ZRANB3: variants seen among roughly 807,000 people sequenced by gnomAD.
ZRANB3 encodes DNA annealing helicase and endonuclease ZRANB3.
Under a neutral mutation model 133.8 loss-of-function variants are expected in ZRANB3, and 125 were observed. The observed-to-expected ratio is 0.93, with a 90% CI of 0.81 to 1.08. The LOEUF (loss-of-function observed/expected upper bound fraction) is 1.08, where lower values mean the gene tolerates loss of function less well. ZRANB3 is among the 50% of genes least tolerant of loss of function. ZRANB3 has a pLI of 0.00. For synonymous variants in ZRANB3, 387 were observed against 432.7 expected (o/e 0.89, Z 1.31); for missense variants, 1,229 against 1,275.5 (o/e 0.96, Z 0.56).
intron 3 of ZRANB3, among the ~76,000 whole-genome samples, chr2:135,389,381 A>G (rs963389450): frequency 6.6e-6 from 1 of 152,156 alleles, no homozygotes; most frequent in Non-Finnish European, 1.5e-5. Context: ...CCTTAAATAA[A>G]TCCTTAAATT....
chr2:135,307,501 G>A (rs1289414124), intron 8 of ZRANB3, among the ~76,000 whole-genome samples: 3 of 151,902 alleles, frequency 2.0e-5, no homozygotes, highest in Non-Finnish European at 2.9e-5. Flanking sequence ...CTTGCATGTT[G>A]TTTATCTTTT....
chr2:135,507,514 T>C (rs1693243184), intron 1 of ZRANB3, among the ~76,000 whole-genome samples: 1 of 152,200 alleles, frequency 6.6e-6, no homozygotes, highest in Non-Finnish European at 1.5e-5. Flanking sequence ...CCATGTCCAC[T>C]TTCCAGAAGT....
At chr2:135,438,021 T>C (rs1456120485) in intron 2 of ZRANB3, among the ~76,000 whole-genome samples, 1 of 152,174 alleles carries the variant, frequency 6.6e-6, no homozygotes, top group Non-Finnish European at 1.5e-5. Flanking sequence ...TCTCCTCCTC[T>C]GGGACATGTG....
At chr2:135,219,955 TC>T (rs2105054192) in intron 15 of ZRANB3, among the ~76,000 whole-genome samples, 1 of 152,144 alleles carries the variant, frequency 6.6e-6, no homozygotes, top group East Asian at 1.9e-4. Context: ...CACTGCAGCC[TC>T]AACGTCCTGG....
chr2:135,355,358 ATCT>A, intron 3 of ZRANB3: 3 of 579,254 alleles, frequency 5.2e-6, no homozygotes, highest in Non-Finnish European at 6.5e-6. Flanking sequence ...ACAATCACAG[ATCT>A]TTTTTTTTTT....
At chr2:135,388,871 G>A (rs1574020804) in intron 3 of ZRANB3, among the ~76,000 whole-genome samples, 1 of 152,084 alleles carries the variant, frequency 6.6e-6, no homozygotes, top group South Asian at 2.1e-4. Context: ...GAGGTCAGGA[G>A]ATTGAGACCA....
At chr2:135,304,424 T>C (rs1017690565) in intron 8 of ZRANB3, among the ~76,000 whole-genome samples, 8 of 152,194 alleles carry the variant, frequency 5.3e-5, no homozygotes, top group African/African-American at 1.9e-4. Context: ...GTATTGCTGG[T>C]ATACTTTTTT....
At chr2:135,412,489 A>T (rs909266849) in intron 2 of ZRANB3, among the ~76,000 whole-genome samples, 1 of 152,124 alleles carries the variant, frequency 6.6e-6, no homozygotes, top group Non-Finnish European at 1.5e-5. Flanking sequence ...TTTTTATATA[A>T]AATATATTTT....
intron 12 of ZRANB3, among the ~76,000 whole-genome samples, chr2:135,241,321 C>T (rs989034960): frequency 6.7e-6 from 1 of 150,050 alleles, no homozygotes; most frequent in African/African-American, 2.4e-5. Context: ...TTTAGTTTGG[C>T]AGTCATATTT....
At chr2:135,484,826 G>C (rs1692016703) in intron 2 of ZRANB3, among the ~76,000 whole-genome samples, 1 of 151,708 alleles carries the variant, frequency 6.6e-6, no homozygotes, top group Non-Finnish European at 1.5e-5. Context: ...TTGAGGTCAG[G>C]AGTTGGAGAT....
chr2:135,405,146 C>CA (rs372062362), intron 2 of ZRANB3, among the ~76,000 whole-genome samples: 6,552 of 151,638 alleles, frequency 0.043, 477 homozygotes, highest in African/African-American at 0.15. Context: ...AAATGGAAAA[C>CA]AAAAAAAGGC....
intron 6 of ZRANB3, among the ~76,000 whole-genome samples, chr2:135,340,896 T>C (rs1294441520): frequency 6.7e-6 from 1 of 150,118 alleles, no homozygotes; most frequent in East Asian, 1.9e-4. Flanking sequence ...AGTCTTTTCA[T>C]CAAACAGGAG....
At chr2:135,472,939 T>C (rs998947138) in intron 2 of ZRANB3, among the ~76,000 whole-genome samples, 6 of 152,224 alleles carry the variant, frequency 3.9e-5, no homozygotes, top group Non-Finnish European at 8.8e-5. Flanking sequence ...ATATAATATG[T>C]GCTTTTGAAA....
chr2:135,469,819 T>C (rs531272330), intron 2 of ZRANB3, among the ~76,000 whole-genome samples: 2 of 150,640 alleles, frequency 1.3e-5, no homozygotes, highest in African/African-American at 4.9e-5. Flanking sequence ...GAGACCATCC[T>C]GGATAACACG....
At chr2:135,313,273 A>G (rs1683090042) in intron 8 of ZRANB3, among the ~76,000 whole-genome samples, 1 of 151,434 alleles carries the variant, frequency 6.6e-6, no homozygotes. Context: ...GAATGGCTTG[A>G]ACCTGGGAGG....
At chr2:135,474,482 T>A (rs1691416294) in intron 2 of ZRANB3, among the ~76,000 whole-genome samples, 1 of 152,050 alleles carries the variant, frequency 6.6e-6, no homozygotes, top group Non-Finnish European at 1.5e-5. Flanking sequence ...AGAAGTGAGT[T>A]CTCACACGTT....
intron 6 of ZRANB3, among the ~76,000 whole-genome samples, chr2:135,342,966 A>G (rs1573943765): frequency 7.2e-6 from 1 of 138,574 alleles, no homozygotes; most frequent in Non-Finnish European, 1.5e-5. Flanking sequence ...GGAATTCAAG[A>G]CCAGCCTGGC....
rs1284453383 is a variant in ZRANB3, at chr2:135,245,957, G to A, written c.1540-15030C>T. Among the ~76,000 whole-genome samples, 11 of 112,232 alleles carry A rather than the reference G, an allele frequency of 9.8e-5. No individual in the cohort carries two copies. The Middle Eastern group carries it at 0.015, about 149-fold the overall frequency. 73.6% of individuals were successfully genotyped at this position (112,232 alleles called of 152,430 possible). ...AAAAAAAAAAAAAAAAAGAGACAGG[G>A]TTTCACCATGATAAACATCTGAAGG... On this transcript the variant is annotated intron_variant, in intron 12 of 20. Transcript: ENST00000264159.
At chr2:135,390,492 A>G (rs1198925545) in intron 3 of ZRANB3, among the ~76,000 whole-genome samples, 1 of 152,188 alleles carries the variant, frequency 6.6e-6, no homozygotes, top group Non-Finnish European at 1.5e-5. Flanking sequence ...AGCAAGTACT[A>G]TTATAACAGA....
Sources: allele counts gnomAD v4.1 joint callset (sites outside exome capture counted in the v4.1 genomes callset), GRCh38; gene constraint gnomAD v4.1.1; transcripts MANE v1.5; gene names NCBI Gene and HGNC (gene_info 2026-07-23, HGNC 2026-07-21).